The following RPTOR variants were observed in gnomAD, a reference collection of about 807,000 sequenced individuals.
RPTOR encodes regulatory-associated protein of mTOR.
RPTOR carries 21 observed loss-of-function variants against 169.9 expected under a neutral mutation model. The observed-to-expected ratio is 0.12, with a 90% CI of 0.09 to 0.18. RPTOR has a LOEUF of 0.18. RPTOR is among the 10% of genes least tolerant of loss of function. The pLI, the probability that RPTOR is intolerant of heterozygous loss-of-function variation, is 1.00. For missense variants in RPTOR, 1,133 were observed against 1,855.9 expected (o/e 0.61, Z 7.16); for synonymous variants, 732 against 753.2 (o/e 0.97, Z 0.46).
At position 80,820,175 on chromosome 17, in the gene RPTOR, G is replaced by A. The variant is rs373568548; in HGVS notation, c.891-2026G>A. ...CAGAGCTTCGGCGTGTGGTCTGGGCGCTGTCTGTCCTCTGCATGGCTTTGG... is the reference window on the plus strand; with the variant it reads ...CAGAGCTTCGGCGTGTGGTCTGGGCACTGTCTGTCCTCTGCATGGCTTTGG... On this transcript the variant is annotated intron_variant, in intron 7 of 33. Coordinates refer to ENST00000306801, the MANE Select transcript of RPTOR (RefSeq NM_020761.3). The surrounding 1 kb of genome is among the most constrained non-coding windows in gnomAD (Gnocchi z 4.1). Among the ~76,000 whole-genome samples, 7 of 152,324 alleles carry A rather than the reference G, an allele frequency of 4.6e-5. No individual in the cohort carries two copies. The highest frequency in any genetic ancestry group is 7.2e-5 in the African/African-American group (3 of 41,558).
intron 1 of RPTOR, among the ~76,000 whole-genome samples, chr17:80,620,639 G>A (rs12940663): frequency 0.19 from 28,692 of 152,156 alleles, 3,114 homozygotes; most frequent in East Asian, 0.28. Flanking sequence ...GCTGGTAGGC[G>A]CCTGTAATCC....
chr17:80,697,883 G>C (rs2066050701), intron 3 of RPTOR, among the ~76,000 whole-genome samples: 1 of 151,954 alleles, frequency 6.6e-6, no homozygotes, highest in South Asian at 2.1e-4. Context: ...TGGGGTGTTT[G>C]ACTCCCATGA....
At chr17:80,589,394 C>A (rs1397100011) in intron 1 of RPTOR, among the ~76,000 whole-genome samples, 2 of 152,126 alleles carry the variant, frequency 1.3e-5, no homozygotes, top group Admixed American at 1.3e-4. Flanking sequence ...AAGCACATCT[C>A]CCCATTTGGA....
chr17:80,687,286 C>T (rs941606246), intron 3 of RPTOR, among the ~76,000 whole-genome samples: 8 of 152,236 alleles, frequency 5.3e-5, no homozygotes, highest in Admixed American at 3.3e-4. Context: ...TGTCTCTCCT[C>T]CCACCACACC....
At position 80,784,606 on chromosome 17, in the gene RPTOR, TG is replaced by T. The variant is rs200227061; in HGVS notation, c.831-6842del. The stretch of plus-strand genomic sequence containing the variant: ...TGGGGTTTCACCTTGTTGGCCAGGC[TG>T]GTCTTGAACTCCTGACCTCAGGTGA... On this transcript the variant is annotated intron_variant, in intron 6 of 33. Transcript: ENST00000306801. Among the ~76,000 whole-genome samples, 142 of 152,208 alleles carry T rather than the reference TG, an allele frequency of 9.3e-4. 3 individuals carry two copies. In the East Asian group the frequency reaches 0.024, roughly 25 times the overall value.
intron 2 of RPTOR, among the ~76,000 whole-genome samples, chr17:80,634,607 GTGTGTAC>G (rs2065483345): frequency 5.7e-5 from 2 of 35,060 alleles, no homozygotes; most frequent in African/African-American, 3.9e-4. Flanking sequence ...TGCGTACTGT[GTGTGTAC>G]TGTGTGCGTG....
intron 4 of RPTOR, among the ~76,000 whole-genome samples, chr17:80,720,283 G>A (rs899364516): frequency 1.3e-5 from 2 of 151,014 alleles, no homozygotes; most frequent in Non-Finnish European, 2.9e-5. Flanking sequence ...GACAACAAGA[G>A]AGAAACTGTC....
chr17:80,703,727 C>T (rs2066120713), intron 3 of RPTOR, among the ~76,000 whole-genome samples: 1 of 152,224 alleles, frequency 6.6e-6, no homozygotes, highest in African/African-American at 2.4e-5. Context: ...TCGGTGATGG[C>T]TGCACCTCTG....
chr17:80,638,073 G>C (rs1191168233), intron 2 of RPTOR, among the ~76,000 whole-genome samples: 1 of 152,252 alleles, frequency 6.6e-6, no homozygotes, highest in Non-Finnish European at 1.5e-5. Context: ...GTACACCTGG[G>C]GAGGTAAGAC....
chr17:80,661,335 A>G (rs1220121027), intron 3 of RPTOR, among the ~76,000 whole-genome samples: 3 of 149,190 alleles, frequency 2.0e-5, no homozygotes, highest in African/African-American at 5.2e-5. Flanking sequence ...GCAGTTCACT[A>G]TTGCAGAGTC....
intron 2 of RPTOR, among the ~76,000 whole-genome samples, chr17:80,626,776 A>AATAATTATT (rs1180193489): frequency 2.8e-5 from 4 of 141,018 alleles, no homozygotes; most frequent in Admixed American, 7.1e-5. Context: ...CCATTCTAGG[A>AATAATTATT]ATTATTATTA....
At chr17:80,574,881 C>A (rs1258961256) in intron 1 of RPTOR, among the ~76,000 whole-genome samples, 2 of 127,546 alleles carry the variant, frequency 1.6e-5, no homozygotes, top group Non-Finnish European at 3.2e-5. Context: ...TTAGGCTCAT[C>A]TTGAACTCCT....
Position 80,957,553 on chromosome 17 carries a change from A to T in RPTOR, c.3371-71A>T. ...GTAGCTGCTGGCCAAATTGCTGCCC[A>T]GAGCAGGCCCCAAAGCCTGCCCAAG... On this transcript the variant is annotated intron_variant, in intron 28 of 33. Transcript: ENST00000306801. The surrounding 1 kb of genome is among the most constrained non-coding windows in gnomAD (Gnocchi z 4.6). 1 of 1,433,826 alleles carries T rather than the reference A, an allele frequency of 7.0e-7. No individual in the cohort carries two copies. The highest frequency in any genetic ancestry group is 9.8e-7 in the Non-Finnish European group (1 of 1,017,442). 88.8% of individuals were successfully genotyped at this position (1,433,826 alleles called of 1,614,324 possible).
At chr17:80,927,166 G>T (rs1475452443) in intron 24 of RPTOR, among the ~76,000 whole-genome samples, 1 of 152,272 alleles carries the variant, frequency 6.6e-6, no homozygotes, top group Non-Finnish European at 1.5e-5. Context: ...GAGGTGGCTG[G>T]ACACTGTGCC....
intron 27 of RPTOR, among the ~76,000 whole-genome samples, chr17:80,948,269 G>A (rs1039332076): frequency 6.6e-6 from 1 of 152,252 alleles, no homozygotes; most frequent in Non-Finnish European, 1.5e-5. Flanking sequence ...GCGGTTGCGG[G>A]CTCCTGGTGA....
At chr17:80,840,313 C>CA (rs1555625414) in intron 10 of RPTOR, among the ~76,000 whole-genome samples, 1 of 149,532 alleles carries the variant, frequency 6.7e-6, no homozygotes, top group African/African-American at 2.5e-5. Flanking sequence ...ACTCACCGCA[C>CA]GGCAGCTCAC....
Position 80,548,704 on chromosome 17 carries a change from C to T in RPTOR, c.162+2913C>T, listed in dbSNP as rs147156648. Among the ~76,000 whole-genome samples the T allele has an allele frequency of 6.6e-4, 101 of 152,168 alleles. 2 individuals are homozygous for T. The East Asian group carries it at 0.015, about 23-fold the overall frequency. On this transcript the variant is annotated intron_variant, in intron 1 of 33. Transcript: ENST00000306801. ...TGTTTTTTGACCAGTGGGTTACCTA[C>T]GTAAGAATCTCTGTTACCCAGGCCT...
rs897398835 is a variant in RPTOR at position 80,831,112 on chromosome 17, C to T, written c.1137-6810C>T. 9.9e-5 allele frequency among the ~76,000 whole-genome samples: 15 copies of T among 152,228 alleles called. No individual in the cohort carries two copies. In the East Asian group the frequency reaches 1.7e-3, roughly 18 times the overall value. On this transcript the variant is annotated intron_variant, in intron 9 of 33. Coordinates refer to ENST00000306801, the MANE Select transcript of RPTOR (RefSeq NM_020761.3). ...ATTCCATAGCAGCCGTGTGTTGTTC[C>T]GATGTGTGTTTTCCCAAATGCGCTA...
chr17:80,826,957 A>G (rs1433431040), intron 9 of RPTOR, among the ~76,000 whole-genome samples: 1 of 152,206 alleles, frequency 6.6e-6, no homozygotes, highest in Non-Finnish European at 1.5e-5. Flanking sequence ...GCATCTGCGT[A>G]CTGCCCTGGC....
Sources: allele counts gnomAD v4.1 joint callset (sites outside exome capture counted in the v4.1 genomes callset), GRCh38; gene constraint gnomAD v4.1.1; non-coding constraint Gnocchi (gnomAD v3.1); transcripts MANE v1.5; gene names NCBI Gene and HGNC (gene_info 2026-07-23, HGNC 2026-07-21).